Variants in MTFR1 observed in about 807,000 individuals in gnomAD.
MTFR1 encodes the protein mitochondrial fission regulator 1.
Under a neutral mutation model 38.8 loss-of-function variants are expected in MTFR1, and 28 were observed. The ratio of observed to expected loss-of-function variants is 0.72; its 90% CI spans 0.53 to 0.99. The LOEUF (loss-of-function observed/expected upper bound fraction) is 0.99, where lower values mean the gene tolerates loss of function less well. MTFR1 is among the 50% of genes least tolerant of loss of function. MTFR1 has a pLI of 0.00. For synonymous variants in MTFR1, 145 were observed against 137.0 expected (o/e 1.06, Z -0.41); for missense variants, 358 against 395.5 (o/e 0.91, Z 0.81).
chr8:65,652,071 A>G (rs1047364403), intron 1 of MTFR1, among the ~76,000 whole-genome samples: 25 of 150,854 alleles, frequency 1.7e-4, no homozygotes, highest in African/African-American at 5.6e-4. Context: ...CCTCCCATGT[A>G]GTTGGGACTA....
chr8:65,697,565 TAAAG>T (rs754327675), intron 4 of MTFR1, among the ~76,000 whole-genome samples: 4 of 152,342 alleles, frequency 2.6e-5, no homozygotes, highest in Non-Finnish European at 5.9e-5. Context: ...TTTTGGCTGT[TAAAG>T]AAAGTTAGTA....
chr8:65,751,576 T>C (rs1807965548), intron 3 of MTFR1, among the ~76,000 whole-genome samples: 1 of 151,968 alleles, frequency 6.6e-6, no homozygotes, highest in South Asian at 2.1e-4. Context: ...CACCGCAACC[T>C]CCGCCTCCGG....
chr8:65,729,898 T>A (rs1241167235), intron 3 of MTFR1, among the ~76,000 whole-genome samples: 1 of 151,950 alleles, frequency 6.6e-6, no homozygotes, highest in Non-Finnish European at 1.5e-5. Context: ...ACACATTATG[T>A]CCATCCTGAG....
At chr8:65,766,182 G>A (rs1808770982) in intron 3 of MTFR1, among the ~76,000 whole-genome samples, 1 of 152,184 alleles carries the variant, frequency 6.6e-6, no homozygotes, top group Non-Finnish European at 1.5e-5. Context: ...CTGACCTCAG[G>A]TGATCCACCC....
chr8:65,699,027 C>T (rs922573915), intron 4 of MTFR1, among the ~76,000 whole-genome samples: 4 of 152,162 alleles, frequency 2.6e-5, no homozygotes, highest in Non-Finnish European at 5.9e-5. Flanking sequence ...TGCGCCCAGC[C>T]GTTCCCTTCT....
intron 3 of MTFR1, among the ~76,000 whole-genome samples, chr8:65,761,780 A>G (rs1808506956): frequency 6.6e-6 from 1 of 152,196 alleles, no homozygotes; most frequent in African/African-American, 2.4e-5. Context: ...AATGTAAAAG[A>G]CATGTTTTTC....
chr8:65,682,495 T>G, intron 3 of MTFR1, 44 bp downstream of exon 3: 6 of 1,042,542 alleles, frequency 5.8e-6, no homozygotes, highest in Non-Finnish European at 7.6e-6. Flanking sequence ...AATATGTACA[T>G]TAGAAATATA....
At chr8:65,695,792 A>T (rs1315229822) in intron 4 of MTFR1, among the ~76,000 whole-genome samples, 2 of 152,218 alleles carry the variant, frequency 1.3e-5, no homozygotes, top group East Asian at 3.8e-4. Context: ...ATGTGAATGG[A>T]TATTGGTAAG....
intron 1 of MTFR1, among the ~76,000 whole-genome samples, chr8:65,661,712 C>G (rs924322502): frequency 2.0e-5 from 3 of 152,056 alleles, no homozygotes; most frequent in Non-Finnish European, 4.4e-5. Flanking sequence ...ACTTGTAATC[C>G]TAGCACTTTG....
rs79834195 is a variant in MTFR1 at position 65,669,931 on chromosome 8, T to A, written c.-22T>A. 6,752 of 1,601,962 alleles carry A rather than the reference T, an allele frequency of 4.2e-3. 14 individuals are homozygous for A. Among genetic ancestry groups the A allele is most frequent in the Non-Finnish European group, 5.3e-3 (6,200 of 1,177,042 alleles). ...CTGAAGAAGTACTTGAAATGCAAATTTGGGGAGACTTTGCCATATAAATGC... is the reference window on the plus strand; with the variant it reads ...CTGAAGAAGTACTTGAAATGCAAATATGGGGAGACTTTGCCATATAAATGC... On this transcript the variant is annotated 5_prime_UTR_variant, in exon 2 of 8. It adds an upstream start codon to the 5' untranslated region. Transcript: ENST00000262146.
At chr8:65,691,658 G>GT (rs547866005) in intron 3 of MTFR1, among the ~76,000 whole-genome samples, 28 of 150,232 alleles carry the variant, frequency 1.9e-4, no homozygotes, top group East Asian at 3.9e-4. Context: ...TTGGATTTTG[G>GT]TTTTTTTTTG....
intron 3 of MTFR1, among the ~76,000 whole-genome samples, chr8:65,753,896 A>G (rs1808088434): frequency 6.6e-6 from 1 of 151,920 alleles, no homozygotes; most frequent in South Asian, 2.1e-4. Context: ...CTTTTTTTTC[A>G]AAACTTAAAG....
In MTFR1 at chr8:65,750,512, GTC is replaced by G. The variant is rs1554559658; in HGVS notation, c.*49-20433_*49-20432del. On this transcript the variant is annotated intron_variant, in intron 3 of 3. Coordinates refer to the MTFR1 transcript ENST00000521247. ...TGTGTGTGTGTGTGTGTCTGTGTGT[GTC>G]TGTGTGTGTGTGAGACAGAGAGAGA... 4.0e-3 allele frequency among the ~76,000 whole-genome samples: 600 copies of G among 151,438 alleles called. 3 individuals are homozygous for G. Among genetic ancestry groups the G allele is most frequent in the African/African-American group, 0.014 (576 of 41,190 alleles).
the MTFR1 span, among the ~76,000 whole-genome samples, chr8:65,776,957 G>A: frequency 1.1e-4 from 16 of 152,054 alleles, no homozygotes; most frequent in South Asian, 2.1e-4. Context: ...TTAATATTGC[G>A]CATTAAATAT....
chr8:65,709,195 G>C lies in MTFR1; in HGVS notation c.*151G>C. On this transcript the variant is annotated 3_prime_UTR_variant, in exon 8 of 8. Coordinates refer to ENST00000262146, the MANE Select transcript of MTFR1 (RefSeq NM_014637.4). ...ATTAGTGGATTAAGCAATAATGAAA[G>C]CACTAAGTTTGGTTTTGCTTTTGTG... 1 of 703,884 alleles carries C rather than the reference G, an allele frequency of 1.4e-6. No homozygotes were observed. The highest frequency in any genetic ancestry group is 2.4e-6 in the Non-Finnish European group (1 of 415,948). 43.6% of individuals were successfully genotyped at this position (703,884 alleles called of 1,614,324 possible). A position where few individuals can be genotyped will look rare whatever the true frequency, so the allele number is the denominator to read the frequency against.
intron 3 of MTFR1, among the ~76,000 whole-genome samples, chr8:65,766,640 C>T (rs1032002084): frequency 6.6e-6 from 1 of 152,208 alleles, no homozygotes; most frequent in African/African-American, 2.4e-5. Context: ...CATGCATCAC[C>T]CTCTCTCTAT....
At chr8:65,692,296 T>C (rs1389926632) in intron 3 of MTFR1, among the ~76,000 whole-genome samples, 1 of 152,216 alleles carries the variant, frequency 6.6e-6, no homozygotes, top group Non-Finnish European at 1.5e-5. Context: ...TTAACTCAGT[T>C]ATCTTTTTTG....
chr8:65,659,190 A>G (rs1809345161), intron 1 of MTFR1, among the ~76,000 whole-genome samples: 2 of 151,782 alleles, frequency 1.3e-5, no homozygotes, highest in Non-Finnish European at 2.9e-5. Flanking sequence ...CTTTCTCAAA[A>G]TTTTCCTTTT....
At chr8:65,731,863 C>A (rs1806902315) in intron 3 of MTFR1, among the ~76,000 whole-genome samples, 1 of 152,140 alleles carries the variant, frequency 6.6e-6, no homozygotes, top group Non-Finnish European at 1.5e-5. Context: ...TGTACTTGGA[C>A]TTTCTTATGG....
Sources: allele counts gnomAD v4.1 joint callset (sites outside exome capture counted in the v4.1 genomes callset), GRCh38; gene constraint gnomAD v4.1.1; transcripts MANE v1.5; gene names NCBI Gene and HGNC (gene_info 2026-07-23, HGNC 2026-07-21).